Variants in SV2B observed in about 807,000 individuals in gnomAD.
SV2B encodes synaptic vesicle glycoprotein 2B.
SV2B carries 41 observed loss-of-function variants against 73.9 expected under a neutral mutation model. That is an observed-to-expected ratio of 0.56 (90% confidence interval 0.43 to 0.72). The LOEUF (loss-of-function observed/expected upper bound fraction) is 0.72, where lower values mean the gene tolerates loss of function less well. SV2B is among the 30% of genes least tolerant of loss of function. The pLI, the probability that SV2B is intolerant of heterozygous loss-of-function variation, is 0.00. For missense variants in SV2B, 764 were observed against 857.8 expected (o/e 0.89, Z 1.37); for synonymous variants, 314 against 314.2 (o/e 1.00, Z 0.01).
intron 9 of SV2B, among the ~76,000 whole-genome samples, chr15:91,273,811 G>A (rs577621446): frequency 2.6e-5 from 4 of 152,142 alleles, no homozygotes; most frequent in South Asian, 2.1e-4. Context: ...CTTCTCCCTC[G>A]CCGGAGGTCA....
At position 91,280,343 on chromosome 15, in the gene SV2B, C is replaced by T. The variant is rs966091988; in HGVS notation, c.1374-1385C>T. Among the ~76,000 whole-genome samples the T allele has an allele frequency of 5.3e-5, 8 of 152,220 alleles. No homozygotes were observed. The highest frequency in any genetic ancestry group is 1.9e-4 in the African/African-American group (8 of 41,466). ...CATCAGCACCCTGTGCTATCTCTGT[C>T]ATGCCGATTTCCACTGTATTGTAGT... is the stretch of plus-strand genomic sequence containing the variant. On this transcript the variant is annotated intron_variant, in intron 9 of 12. Coordinates refer to ENST00000394232, the MANE Select transcript of SV2B (RefSeq NM_001323032.3). The surrounding 1 kb of genome is among the most constrained non-coding windows in gnomAD (Gnocchi z 5.8).
rs1223898670 is a variant in SV2B at position 91,124,874 on chromosome 15, G to T, written c.-392+24511G>T. Among the ~76,000 whole-genome samples the T allele has an allele frequency of 6.6e-6, 1 of 152,046 alleles. No individual in the cohort carries two copies. Among genetic ancestry groups the T allele is most frequent in the Non-Finnish European group, 1.5e-5 (1 of 68,008 alleles). On this transcript the variant is annotated intron_variant, in intron 1 of 12. Coordinates refer to ENST00000394232, the MANE Select transcript of SV2B (RefSeq NM_001323032.3). The surrounding 1 kb of genome is among the most constrained non-coding windows in gnomAD (Gnocchi z 4.6). ...TCACCATGTTGGCCAGGCTGGTCTC[G>T]AACTCCTGACTTCAAGTGATCCACC...
chr15:91,143,989 C>T (rs548556827), intron 1 of SV2B, among the ~76,000 whole-genome samples: 18 of 152,162 alleles, frequency 1.2e-4, no homozygotes, highest in Middle Eastern at 3.4e-3. Context: ...TTCATGTAGG[C>T]GGTGATAACT....
intron 2 of SV2B, among the ~76,000 whole-genome samples, chr15:91,235,953 G>A (rs2046763974): frequency 6.6e-6 from 1 of 152,122 alleles, no homozygotes; most frequent in Non-Finnish European, 1.5e-5. Flanking sequence ...TAGCTCCCAA[G>A]GATGTTGGGA....
chr15:91,189,987 CA>C (rs201588497), intron 1 of SV2B, among the ~76,000 whole-genome samples: 6,253 of 146,482 alleles, frequency 0.043, 421 homozygotes, highest in African/African-American at 0.15. Flanking sequence ...GACGCCATCT[CA>C]AAAAAAAAGA....
intron 2 of SV2B, among the ~76,000 whole-genome samples, chr15:91,243,785 C>A (rs1236797783): frequency 6.6e-6 from 1 of 152,172 alleles, no homozygotes; most frequent in Non-Finnish European, 1.5e-5. Context: ...AAATCCAATG[C>A]TGCTGAAGCA....
chr15:91,252,980 C>G lies in SV2B; in HGVS notation c.784+460C>G, dbSNP rs1434275177. On this transcript the variant is annotated intron_variant, in intron 4 of 12. Transcript: ENST00000394232. This position sits in a 1 kb window ranked among gnomAD's most constrained non-coding sequence, Gnocchi z 4.6. ...GGGGGCTGGAGTCCTGATGTCCCCT[C>G]AGGTGCAGTAGGCTTGTACTCTTTC... Among the ~76,000 whole-genome samples, 1 of 152,142 alleles carries G rather than the reference C, an allele frequency of 6.6e-6. No individual in the cohort carries two copies. Among genetic ancestry groups the G allele is most frequent in the African/African-American group, 2.4e-5 (1 of 41,414 alleles).
chr15:91,152,715 G>A (rs532350663), intron 1 of SV2B, among the ~76,000 whole-genome samples: 1 of 152,276 alleles, frequency 6.6e-6, no homozygotes, highest in South Asian at 2.1e-4. Context: ...GGGTGAGGAA[G>A]ATATTAGCAA....
At chr15:91,145,047 T>C (rs1274598136) in intron 1 of SV2B, among the ~76,000 whole-genome samples, 1 of 152,156 alleles carries the variant, frequency 6.6e-6, no homozygotes, top group Non-Finnish European at 1.5e-5. Flanking sequence ...GGTAAACTTG[T>C]ATCATGGGGG....
At chr15:91,213,857 A>G (rs556761613) in intron 1 of SV2B, among the ~76,000 whole-genome samples, 2 of 152,272 alleles carry the variant, frequency 1.3e-5, no homozygotes, top group Admixed American at 1.3e-4. Context: ...CATTTCATTC[A>G]AAAGGATAAT....
At chr15:91,164,458 C>G (rs1033005387) in intron 1 of SV2B, among the ~76,000 whole-genome samples, 2 of 152,172 alleles carry the variant, frequency 1.3e-5, no homozygotes, top group Non-Finnish European at 2.9e-5. Context: ...CCTTCTTATG[C>G]TTTGAATCTG....
chr15:91,239,462 A>G lies in SV2B; in HGVS notation c.452-12357A>G, dbSNP rs1394982798. Among the ~76,000 whole-genome samples, 1 of 151,946 alleles carries G rather than the reference A, an allele frequency of 6.6e-6. No homozygotes were observed. The highest frequency in any genetic ancestry group is 1.9e-4 in the East Asian group (1 of 5,160). On this transcript the variant is annotated intron_variant, in intron 2 of 12. Transcript: ENST00000394232. This position sits in a 1 kb window ranked among gnomAD's most constrained non-coding sequence, Gnocchi z 5.1. Reference sequence around the variant, plus strand: ...TCTAATATTAGAAATGAAAGAAAGGAAGGAGACCTCCTAGCATGCCCTTCG... The same window carrying G: ...TCTAATATTAGAAATGAAAGAAAGGGAGGAGACCTCCTAGCATGCCCTTCG...
rs2042407614 is a variant in SV2B at position 91,123,993 on chromosome 15, C to T, written c.-392+23630C>T. Among the ~76,000 whole-genome samples, 1 of 152,196 alleles carries T rather than the reference C, an allele frequency of 6.6e-6. No individual in the cohort carries two copies. The highest frequency in any genetic ancestry group is 2.1e-4 in the South Asian group (1 of 4,830). ...AGAGGTACCTAGAGAAAATATTCAG[C>T]TTGCAAGCTGCTAGTTCACAGACAG... On this transcript the variant is annotated intron_variant, in intron 1 of 12. Coordinates refer to ENST00000394232, the MANE Select transcript of SV2B (RefSeq NM_001323032.3). This position sits in a 1 kb window ranked among gnomAD's most constrained non-coding sequence, Gnocchi z 4.7.
intron 1 of SV2B, among the ~76,000 whole-genome samples, chr15:91,173,829 G>T (rs900255136): frequency 3.2e-4 from 48 of 152,106 alleles, no homozygotes; most frequent in African/African-American, 9.4e-4. Flanking sequence ...CATTCCTTTT[G>T]GTGCTCTCAG....
At chr15:91,153,922 C>T (rs2141226059) in intron 1 of SV2B, among the ~76,000 whole-genome samples, 1 of 152,138 alleles carries the variant, frequency 6.6e-6, no homozygotes, top group African/African-American at 2.4e-5. Context: ...TTTCTCTAGT[C>T]TCCTGTGGTC....
Position 91,262,529 on chromosome 15 carries a change from G to A in SV2B, c.1008+2120G>A, listed in dbSNP as rs186485871. ...TGTTATAGAGGTGAACGTGTGTCAC[G>A]GGGGTTTGTTGTACAGGTATTTTGT... On this transcript the variant is annotated intron_variant, in intron 6 of 12. Transcript: ENST00000394232. 4.6e-3 allele frequency among the ~76,000 whole-genome samples: 703 copies of A among 152,082 alleles called. 4 individuals carry two copies. Among genetic ancestry groups the A allele is most frequent in the African/African-American group, 0.015 (619 of 41,480 alleles).
Position 91,132,175 on chromosome 15 carries a change from G to A in SV2B, c.-392+31812G>A, listed in dbSNP as rs550468003. ...CACTCCAGTGTGGCCGCAGACCCCA[G>A]CAGCGGCTCAAGAGCCCAGCTACAG... On this transcript the variant is annotated intron_variant, in intron 1 of 12. Transcript: ENST00000394232. The surrounding 1 kb of genome is among the most constrained non-coding windows in gnomAD (Gnocchi z 4.6). Among the ~76,000 whole-genome samples the A allele has an allele frequency of 1.3e-5, 2 of 152,322 alleles. No homozygotes were observed. Among genetic ancestry groups the A allele is most frequent in the South Asian group, 4.1e-4 (2 of 4,824 alleles).
rs200199126 is a variant in SV2B at position 91,245,851 on chromosome 15, AT to A, written c.452-5958del. Among the ~76,000 whole-genome samples the A allele has an allele frequency of 4.1e-3, 612 of 151,042 alleles. 2 individuals are homozygous for A. The highest frequency in any genetic ancestry group is 0.017 in the Middle Eastern group (5 of 290). On this transcript the variant is annotated intron_variant, in intron 2 of 12. Transcript: ENST00000394232. The surrounding 1 kb of genome is among the most constrained non-coding windows in gnomAD (Gnocchi z 4.2). ...ACTGTGGTCTACAAACCTATGACCA[AT>A]TTTTTTTTTAACATTTTTAAAGGGT...
chr15:91,254,701 C>T (rs934130539), intron 4 of SV2B, among the ~76,000 whole-genome samples: 3 of 152,090 alleles, frequency 2.0e-5, no homozygotes, highest in African/African-American at 4.8e-5. Context: ...GGAGAAGTGA[C>T]ACAAAAAGAA....
Sources: gnomAD v4.1 joint callset for allele counts (sites outside exome capture counted in the v4.1 genomes callset) on GRCh38, gnomAD v4.1.1 for gene constraint, Gnocchi (gnomAD v3.1) non-coding constraint, MANE v1.5 for transcripts, NCBI Gene and HGNC (gene_info 2026-07-23, HGNC 2026-07-21) for gene names.